Variants in GRIK1 observed in about 807,000 individuals in gnomAD.
GRIK1 encodes glutamate ionotropic receptor kainate type subunit 1, also known as glutamate receptor ionotropic, kainate 1.
In GRIK1, 69 loss-of-function variants were observed where a neutral mutation model predicts 105.7. The observed-to-expected ratio is 0.65, with a 90% confidence interval of 0.54 to 0.80. The LOEUF (loss-of-function observed/expected upper bound fraction) is 0.80, where lower values mean the gene tolerates loss of function less well. GRIK1 is among the 30% of genes least tolerant of loss of function. GRIK1 has a pLI of 0.00. For missense variants in GRIK1, 1,109 were observed against 1,167.3 expected (o/e 0.95, Z 0.73); for synonymous variants, 438 against 431.3 (o/e 1.02, Z -0.19).
chr21:29,888,229 CTCTCCT>C (rs2069749083), intron 1 of GRIK1, among the ~76,000 whole-genome samples: 1 of 112,856 alleles, frequency 8.9e-6, no homozygotes, highest in Non-Finnish European at 1.9e-5. Flanking sequence ...CTCTCTCTCT[CTCTCCT>C]TCCTTCCTTC....
intron 1 of GRIK1, among the ~76,000 whole-genome samples, chr21:29,784,009 T>A (rs1001951597): frequency 6.6e-6 from 1 of 152,210 alleles, no homozygotes; most frequent in African/African-American, 2.4e-5. Context: ...CTTGGCTCAC[T>A]GCAAGCTGTG....
intron 1 of GRIK1, among the ~76,000 whole-genome samples, chr21:29,884,112 GTAT>G (rs758970987): frequency 7.9e-5 from 12 of 151,954 alleles, no homozygotes; most frequent in Non-Finnish European, 1.6e-4. Flanking sequence ...TTTCTTTGTA[GTAT>G]GGTTCTGTTA....
At chr21:29,603,454 G>A (rs377490657) in intron 7 of GRIK1, among the ~76,000 whole-genome samples, 130 of 152,040 alleles carry the variant, frequency 8.6e-4, no homozygotes, top group African/African-American at 3.0e-3. Context: ...ATATCTTTAT[G>A]GTCAGTAGTA....
chr21:29,878,132 A>G (rs2069257901), intron 1 of GRIK1, among the ~76,000 whole-genome samples: 1 of 152,148 alleles, frequency 6.6e-6, no homozygotes, highest in Non-Finnish European at 1.5e-5. Context: ...GAGAGATTAG[A>G]AAGTACAATT....
intron 1 of GRIK1, among the ~76,000 whole-genome samples, chr21:29,747,472 A>G (rs1473480520): frequency 6.6e-6 from 1 of 152,208 alleles, no homozygotes; most frequent in African/African-American, 2.4e-5. Flanking sequence ...GCAGACCCTG[A>G]GAAGAGGCGA....
intron 15 of GRIK1, among the ~76,000 whole-genome samples, chr21:29,560,142 T>G (rs1016890192): frequency 1.1e-4 from 16 of 152,154 alleles, no homozygotes; most frequent in Non-Finnish European, 8.8e-5. Context: ...GGCTTGACTG[T>G]TAGCTATGAT....
In GRIK1 at chr21:29,796,928, GAC is replaced by G. The variant is rs1306709493; in HGVS notation, c.119-102867_119-102866del. 4.6e-5 allele frequency among the ~76,000 whole-genome samples: 7 copies of G among 151,564 alleles called. No individual in the cohort carries two copies. The South Asian group carries it at 1.5e-3, about 32-fold the overall frequency. ...CACACCACTGCCCTCCAGCCTGGGT[GAC>G]AGAGGGAGACTCTGTCTCAAAAGCA... On this transcript the variant is annotated intron_variant, in intron 1 of 17. Coordinates refer to ENST00000327783, the MANE Select transcript of GRIK1 (RefSeq NM_001330994.2).
intron 14 of GRIK1, among the ~76,000 whole-genome samples, chr21:29,571,758 T>C (rs985089868): frequency 6.6e-6 from 1 of 152,206 alleles, no homozygotes; most frequent in Non-Finnish European, 1.5e-5. Context: ...TTAAATCAAC[T>C]TGAAAGTAAA....
At chr21:29,923,849 C>T (rs2071268102) in intron 1 of GRIK1, among the ~76,000 whole-genome samples, 4 of 152,106 alleles carry the variant, frequency 2.6e-5, no homozygotes, top group Non-Finnish European at 5.9e-5. Context: ...AGAGGAGTAT[C>T]TGAAAGGTTC....
chr21:29,757,427 A>T (rs2145676356), intron 1 of GRIK1, among the ~76,000 whole-genome samples: 1 of 152,384 alleles, frequency 6.6e-6, no homozygotes, highest in Middle Eastern at 3.4e-3. Flanking sequence ...GCATCAATTA[A>T]GTAAACTACA....
chr21:29,659,869 G>A (rs985624252), intron 4 of GRIK1, among the ~76,000 whole-genome samples: 1 of 152,130 alleles, frequency 6.6e-6, no homozygotes, highest in Non-Finnish European at 1.5e-5. Flanking sequence ...GGCTGAGGCA[G>A]GAGAATCACT....
chr21:29,760,996 C>T (rs1284745459), intron 1 of GRIK1, among the ~76,000 whole-genome samples: 1 of 152,120 alleles, frequency 6.6e-6, no homozygotes, highest in Non-Finnish European at 1.5e-5. Context: ...TTTAGTTTTA[C>T]AACAACATTT....
intron 4 of GRIK1, among the ~76,000 whole-genome samples, chr21:29,663,030 C>T (rs1464300464): frequency 6.6e-6 from 1 of 152,144 alleles, no homozygotes; most frequent in African/African-American, 2.4e-5. Context: ...TGCTGAGTGC[C>T]ACAACACGAT....
At chr21:29,730,534 G>C (rs1162224028) in intron 1 of GRIK1, among the ~76,000 whole-genome samples, 1 of 152,172 alleles carries the variant, frequency 6.6e-6, no homozygotes, top group Non-Finnish European at 1.5e-5. Flanking sequence ...CAATCCAAGG[G>C]AAATTTCATC....
chr21:29,601,450 G>A (rs1198876218), intron 7 of GRIK1, among the ~76,000 whole-genome samples: 1 of 152,058 alleles, frequency 6.6e-6, no homozygotes, highest in African/African-American at 2.4e-5. Context: ...TGTTTCTCTG[G>A]AGAATTCTGG....
intron 1 of GRIK1, among the ~76,000 whole-genome samples, chr21:29,699,710 G>T (rs866582827): frequency 6.6e-6 from 1 of 150,956 alleles, no homozygotes. Context: ...GTGCATTGGC[G>T]CAATCTCGGC....
intron 12 of GRIK1, among the ~76,000 whole-genome samples, chr21:29,583,998 G>A (rs1196991677): frequency 6.6e-6 from 1 of 152,182 alleles, no homozygotes; most frequent in Admixed American, 6.5e-5. Context: ...TAATATGATA[G>A]AGAAGGGAAG....
chr21:29,616,279 G>A (rs2061849446), intron 7 of GRIK1, among the ~76,000 whole-genome samples: 1 of 152,028 alleles, frequency 6.6e-6, no homozygotes, highest in South Asian at 2.1e-4. Flanking sequence ...GAGGGATACG[G>A]TACTCTCTTG....
intron 15 of GRIK1, among the ~76,000 whole-genome samples, chr21:29,557,080 T>G (rs1245555474): frequency 6.6e-6 from 1 of 152,218 alleles, no homozygotes; most frequent in Non-Finnish European, 1.5e-5. Context: ...TGCCAACATC[T>G]ACCTGTAGAC....
Sources: gnomAD v4.1 joint callset for allele counts (sites outside exome capture counted in the v4.1 genomes callset) on GRCh38, gnomAD v4.1.1 for gene constraint, MANE v1.5 for transcripts, NCBI Gene and HGNC (gene_info 2026-07-23, HGNC 2026-07-21) for gene names.